ASCC3: variants seen among roughly 807,000 people sequenced by gnomAD.
The protein encoded by ASCC3 is ASC-1 complex subunit P200.
ASCC3 carries 158 observed loss-of-function variants against 256.3 expected under a neutral mutation model. The ratio of observed to expected loss-of-function variants is 0.62; its 90% CI spans 0.54 to 0.70. The LOEUF is 0.70. ASCC3 is among the 30% of genes least tolerant of loss of function. ASCC3 has a pLI of 0.00. For synonymous variants in ASCC3, 948 were observed against 883.4 expected (o/e 1.07, Z -1.30); for missense variants, 2,259 against 2,626.0 (o/e 0.86, Z 3.05).
rs1401836616 is a variant in ASCC3, at chr6:100,715,477, T to C, written c.2136A>G (p.Val712=). The C allele has an allele frequency of 1.9e-6, 3 of 1,611,376 alleles. No homozygotes were observed. Among genetic ancestry groups the C allele is most frequent in the East Asian group, 2.2e-5 (1 of 44,666 alleles). ...ATAAGTGTACCTGGTGTCCAGCCTT[T>C]ACTTGCTTCAAAACATTTTCATAAC... ...EVCYENVLKQ[V]KAGHQVMVFV... The change falls in exon 13 of 42, where the codon GTA becomes GTG. Residue 712 remains valine, a synonymous_variant. Coordinates refer to ENST00000369162, the MANE Select transcript of ASCC3 (RefSeq NM_006828.4).
chr6:100,796,784 T>C (rs1769637363), intron 8 of ASCC3, among the ~76,000 whole-genome samples: 1 of 152,160 alleles, frequency 6.6e-6, no homozygotes, highest in African/African-American at 2.4e-5. Context: ...CTGTGGTCTT[T>C]TGTTATGGCA....
chr6:100,540,061 A>G (rs1775369994), intron 37 of ASCC3, 102 bp downstream of exon 37: 2 of 1,049,146 alleles, frequency 1.9e-6, no homozygotes, highest in African/African-American at 1.6e-5. Flanking sequence ...CAATGCTACC[A>G]TAAAGTTGTT....
Position 100,767,276 on chromosome 6 carries a change from A to T in ASCC3, c.1465T>A (p.Tyr489Asn), listed in dbSNP as rs760249972. ...RIQSIVFETA[Y>N]NTNENMLICA... Reference sequence around the variant, plus strand: ...ATCAGCATGTTCTCATTGGTGTTGTAGGCAGTCTCAAACACTATTGACTGG... The same window carrying T: ...ATCAGCATGTTCTCATTGGTGTTGTTGGCAGTCTCAAACACTATTGACTGG... The change falls in exon 9 of 42, where the codon TAC (tyrosine) becomes AAC (asparagine). Residue 489 changes from tyrosine (Y) to asparagine (N), a missense_variant. By Grantham distance (143) the Tyr-to-Asn change is moderately radical (BLOSUM62 -2). Around this residue, in one of 2 missense-constraint regions of ASCC3, gnomAD observed 1,839 missense variants for 2,206.7 expected, o/e 0.83. Transcript: ENST00000369162. 3 of 1,614,074 alleles carry T rather than the reference A, an allele frequency of 1.9e-6. No individual in the cohort carries two copies. The South Asian group carries it at 3.3e-5, about 18-fold the overall frequency.
intron 13 of ASCC3, among the ~76,000 whole-genome samples, chr6:100,689,461 T>C (rs561434028): frequency 4.6e-5 from 7 of 152,334 alleles, no homozygotes; most frequent in African/African-American, 1.7e-4. Context: ...TTTCTTTCCA[T>C]CAAGTTATAT....
At chr6:100,538,256 G>A (rs1775267826) in intron 37 of ASCC3, among the ~76,000 whole-genome samples, 1 of 152,120 alleles carries the variant, frequency 6.6e-6, no homozygotes, top group African/African-American at 2.4e-5. Flanking sequence ...AAACACAAAT[G>A]AGTATCCAGG....
chr6:100,730,549 C>A (rs913731794), intron 10 of ASCC3, among the ~76,000 whole-genome samples: 1 of 152,188 alleles, frequency 6.6e-6, no homozygotes, highest in African/African-American at 2.4e-5. Context: ...GATTTAAGAA[C>A]TACTGTCTTC....
chr6:100,776,338 A>G (rs1345925501), intron 8 of ASCC3, among the ~76,000 whole-genome samples: 1 of 152,118 alleles, frequency 6.6e-6, no homozygotes, highest in African/African-American at 2.4e-5. Context: ...CTAAGTATAT[A>G]CCATTTTCCC....
chr6:100,629,182 C>T lies in ASCC3; in HGVS notation c.4209-1G>A. ...CACATCCCCTGTTAGTTCAATAACT[C>T]TGGAGGGAAATATAACAATGATCCC... On this transcript the variant is annotated splice_acceptor_variant, in intron 26 of 41. Transcript: ENST00000369162. LOFTEE classifies it high-confidence loss of function. The T allele has an allele frequency of 6.2e-7, 1 of 1,612,588 alleles. No homozygotes were observed. The highest frequency in any genetic ancestry group is 8.5e-7 in the Non-Finnish European group (1 of 1,179,052).
chr6:100,625,747 G>A (rs1774197985), intron 29 of ASCC3, among the ~76,000 whole-genome samples: 1 of 152,102 alleles, frequency 6.6e-6, no homozygotes, highest in Non-Finnish European at 1.5e-5. Context: ...TGGTCCTGGG[G>A]TCTGGTGAGA....
At chr6:100,868,326 A>G (rs1383751935) in intron 1 of ASCC3, among the ~76,000 whole-genome samples, 1 of 152,196 alleles carries the variant, frequency 6.6e-6, no homozygotes, top group Non-Finnish European at 1.5e-5. Context: ...TGCCAATAAT[A>G]TTTAAAGAGA....
At position 100,607,068 on chromosome 6, in the gene ASCC3, T is replaced by G; in HGVS notation, c.4806A>C (p.Thr1602=). Residue 1602 remains threonine, a synonymous_variant, in exon 31 of 42, where the codon ACA becomes ACC. Transcript: ENST00000369162. ...DEREMENIIA[T]VRDSNLKLTL... ...TCAGCTTGAGGTTGGAATCTCTTAC[T>G]GTTGCAATGATGTTCTCCATCTGCA... 1 of 1,613,664 alleles carries G rather than the reference T, an allele frequency of 6.2e-7. No homozygotes were observed. Among genetic ancestry groups the G allele is most frequent in the Non-Finnish European group, 8.5e-7 (1 of 1,179,768 alleles).
intron 23 of ASCC3, among the ~76,000 whole-genome samples, chr6:100,643,479 C>G (rs1172313360): frequency 6.6e-6 from 1 of 152,126 alleles, no homozygotes; most frequent in East Asian, 1.9e-4. Flanking sequence ...ATTATCCAGT[C>G]ATGCATTGCT....
intron 30 of ASCC3, among the ~76,000 whole-genome samples, chr6:100,612,178 C>T (rs1019811428): frequency 3.3e-5 from 5 of 151,878 alleles, no homozygotes; most frequent in Non-Finnish European, 7.4e-5. Flanking sequence ...ACTCAAAAAG[C>T]TTTTGTAGAA....
intron 26 of ASCC3, among the ~76,000 whole-genome samples, chr6:100,629,762 A>G (rs902530624): frequency 4.6e-5 from 7 of 152,200 alleles, no homozygotes; most frequent in African/African-American, 1.7e-4. Context: ...CATTATAAGC[A>G]GATCACAGTC....
chr6:100,525,156 C>CAA (rs57882047), intron 37 of ASCC3, among the ~76,000 whole-genome samples: 985 of 44,938 alleles, frequency 0.022, 87 homozygotes, highest in Admixed American at 0.061. Flanking sequence ...GACCCTGTCT[C>CAA]AAAAAAAAAA....
intron 17 of ASCC3, among the ~76,000 whole-genome samples, chr6:100,653,624 C>A (rs1398173624): frequency 1.3e-5 from 2 of 150,640 alleles, no homozygotes; most frequent in Non-Finnish European, 3.0e-5. Flanking sequence ...GGCGACAGAG[C>A]GAGGCTGGAG....
intron 16 of ASCC3, among the ~76,000 whole-genome samples, chr6:100,660,685 A>G (rs991644728): frequency 6.6e-6 from 1 of 151,630 alleles, no homozygotes; most frequent in Non-Finnish European, 1.5e-5. Context: ...TCTGCACTAG[A>G]CAAGCTGTTA....
intron 14 of ASCC3, among the ~76,000 whole-genome samples, chr6:100,665,464 C>A (rs1039862113): frequency 6.6e-6 from 1 of 151,962 alleles, no homozygotes; most frequent in African/African-American, 2.4e-5. Flanking sequence ...GTGGGTCATG[C>A]CTGTAATCCT....
chr6:100,854,289 T>C (rs1359505383), intron 3 of ASCC3, among the ~76,000 whole-genome samples: 1 of 152,140 alleles, frequency 6.6e-6, no homozygotes, highest in Non-Finnish European at 1.5e-5. Context: ...ATTTCTGTGA[T>C]ATAATTTTAA....
Sources: allele counts gnomAD v4.1 joint callset (sites outside exome capture counted in the v4.1 genomes callset), GRCh38; gene constraint gnomAD v4.1.1; regional missense constraint gnomAD v4.1.1; transcripts MANE v1.5; gene names NCBI Gene and HGNC (gene_info 2026-07-23, HGNC 2026-07-21).